STOX2: variants seen among roughly 807,000 people sequenced by gnomAD.
STOX2 encodes the protein storkhead box 2, also known as storkhead-box protein 2.
A neutral mutation model predicts 60.9 loss-of-function variants in STOX2; 28 were observed. That is an observed-to-expected ratio of 0.46 (90% CI 0.34 to 0.63). The LOEUF (loss-of-function observed/expected upper bound fraction) is 0.63. Among genes scored for constraint, STOX2 ranks in the 30% least tolerant of loss-of-function variants. The probability of loss-of-function intolerance (pLI) is 0.01; values close to 1 mark genes in which losing one functional copy is unlikely to be tolerated. For missense variants in STOX2, 1,024 were observed against 1,187.7 expected (o/e 0.86, Z 2.03); for synonymous variants, 472 against 463.9 (o/e 1.02, Z -0.22).
At chr4:183,935,359 AAAACAACTGG>A (rs1237750134) in intron 1 of STOX2, among the ~76,000 whole-genome samples, 1 of 152,264 alleles carries the variant, frequency 6.6e-6, no homozygotes, top group African/African-American at 2.4e-5. Flanking sequence ...AAGATGAAAA[AAAACAACTGG>A]AAGATCGTAT....
chr4:183,969,647 C>G (rs1348403238), intron 1 of STOX2, among the ~76,000 whole-genome samples: 1 of 151,380 alleles, frequency 6.6e-6, no homozygotes, highest in South Asian at 2.1e-4. Flanking sequence ...GAGACGGGAT[C>G]TTACTGTGTC....
At chr4:183,945,315 T>C (rs1212458988) in intron 1 of STOX2, among the ~76,000 whole-genome samples, 1 of 152,138 alleles carries the variant, frequency 6.6e-6, no homozygotes, top group African/African-American at 2.4e-5. Context: ...AAAAATCTGA[T>C]TTTAACATGA....
chr4:183,835,310 C>T (rs1409622743), intron 1 of STOX2, among the ~76,000 whole-genome samples: 14 of 151,528 alleles, frequency 9.2e-5, no homozygotes, highest in South Asian at 2.1e-4. Flanking sequence ...CTGCAAGCTC[C>T]GCCTCAAGGT....
intron 1 of STOX2, among the ~76,000 whole-genome samples, chr4:183,977,873 T>G (rs28866914): frequency 0.047 from 7,203 of 152,262 alleles, 574 homozygotes; most frequent in African/African-American, 0.16. Flanking sequence ...GTTTTTCATA[T>G]GTCTGTTGGC....
chr4:183,911,593 C>T (rs923417430), intron 1 of STOX2, among the ~76,000 whole-genome samples: 3 of 152,096 alleles, frequency 2.0e-5, no homozygotes, highest in Admixed American at 2.0e-4. Flanking sequence ...ATATCTTTTA[C>T]ATTCTTTCTA....
chr4:183,881,725 A>C (rs954431236), intron 1 of STOX2, among the ~76,000 whole-genome samples: 2 of 152,184 alleles, frequency 1.3e-5, no homozygotes, highest in Non-Finnish European at 2.9e-5. Flanking sequence ...TTCTATGTTT[A>C]ATTGTATTGC....
chr4:183,843,729 G>A (rs1206026464), intron 1 of STOX2, among the ~76,000 whole-genome samples: 1 of 151,984 alleles, frequency 6.6e-6, no homozygotes, highest in African/African-American at 2.4e-5. Flanking sequence ...AGATACTCTC[G>A]GCTCTTTTTC....
chr4:183,798,126 T>A (rs1489697873), intron 1 of STOX2: 4 of 1,198,536 alleles, frequency 3.3e-6, no homozygotes, highest in Non-Finnish European at 4.2e-6. Flanking sequence ...CGGTCGCGGG[T>A]GCCCCGCCCT....
chr4:183,985,558 C>T (rs1032097143), intron 1 of STOX2, among the ~76,000 whole-genome samples: 3 of 152,156 alleles, frequency 2.0e-5, no homozygotes, highest in Non-Finnish European at 4.4e-5. Context: ...TTTCTAAGTA[C>T]AGACATACTA....
intron 3 of STOX2, among the ~76,000 whole-genome samples, chr4:184,013,359 C>A (rs976701420): frequency 1.3e-5 from 2 of 152,152 alleles, no homozygotes; most frequent in Non-Finnish European, 2.9e-5. Flanking sequence ...GGGATTATTT[C>A]TTGAAGTAAG....
chr4:184,007,615 A>G (rs1005780897), intron 2 of STOX2, among the ~76,000 whole-genome samples: 1 of 152,208 alleles, frequency 6.6e-6, no homozygotes, highest in East Asian at 1.9e-4. Context: ...ATTTGCTAGG[A>G]CTGCTGTAAC....
intron 1 of STOX2, among the ~76,000 whole-genome samples, chr4:183,997,885 C>T (rs1733413437): frequency 6.6e-6 from 1 of 152,160 alleles, no homozygotes; most frequent in South Asian, 2.1e-4. Context: ...TTCAGACACA[C>T]TTAAAGCATG....
At chr4:183,939,977 C>T (rs917271734) in intron 1 of STOX2, among the ~76,000 whole-genome samples, 3 of 152,206 alleles carry the variant, frequency 2.0e-5, no homozygotes, top group Admixed American at 1.3e-4. Flanking sequence ...GATCTCAGCT[C>T]ACTGCAGCCT....
intron 3 of STOX2, among the ~76,000 whole-genome samples, chr4:184,016,779 A>G (rs1350936898): frequency 2.6e-5 from 4 of 152,330 alleles, no homozygotes; most frequent in South Asian, 2.1e-4. Flanking sequence ...TGTGATAGCT[A>G]GCTATCACCT....
intron 1 of STOX2, among the ~76,000 whole-genome samples, chr4:183,835,691 A>G (rs1739692886): frequency 6.6e-6 from 1 of 152,156 alleles, no homozygotes. Flanking sequence ...TGGCTCTGCC[A>G]CCAGCCTACT....
intron 1 of STOX2, among the ~76,000 whole-genome samples, chr4:183,913,388 G>A (rs1043041481): frequency 2.6e-5 from 4 of 152,098 alleles, no homozygotes; most frequent in South Asian, 2.1e-4. Context: ...CAGGATAGAT[G>A]CATGTTGTGA....
intron 1 of STOX2, among the ~76,000 whole-genome samples, chr4:183,907,488 G>C (rs1320246706): frequency 1.3e-5 from 2 of 152,200 alleles, no homozygotes; most frequent in Non-Finnish European, 2.9e-5. Flanking sequence ...TTCTGTGGGG[G>C]TAATGGTGTG....
At chr4:184,005,439 CAG>C (rs1733783031) in intron 2 of STOX2, among the ~76,000 whole-genome samples, 2 of 119,214 alleles carry the variant, frequency 1.7e-5, no homozygotes, top group South Asian at 5.8e-4. Context: ...GCTTGGGTGA[CAG>C]AGTGAGACGA....
intron 1 of STOX2, among the ~76,000 whole-genome samples, chr4:183,920,176 C>T (rs1742062855): frequency 6.6e-6 from 1 of 151,904 alleles, no homozygotes; most frequent in Non-Finnish European, 1.5e-5. Flanking sequence ...AGCACAGTGG[C>T]ACCATCTCGG....
Sources: gnomAD v4.1 joint callset for allele counts (sites outside exome capture counted in the v4.1 genomes callset) on GRCh38, gnomAD v4.1.1 for gene constraint, MANE v1.5 for transcripts, NCBI Gene and HGNC (gene_info 2026-07-23, HGNC 2026-07-21) for gene names.